The following MTHFD2L variants were observed in gnomAD, a reference collection of about 807,000 sequenced individuals.
MTHFD2L encodes the protein bifunctional methylenetetrahydrofolate dehydrogenase/cyclohydrolase 2, mitochondrial.
A neutral mutation model predicts 34.9 loss-of-function variants in MTHFD2L; 29 were observed. The observed-to-expected ratio is 0.83, with a 90% confidence interval of 0.62 to 1.13. MTHFD2L has a LOEUF of 1.13. Ranked by LOEUF, MTHFD2L falls within the 50% of genes most tolerant of loss-of-function variation. MTHFD2L has a pLI of 0.00. For missense variants in MTHFD2L, 481 were observed against 446.5 expected, an observed-to-expected ratio of 1.08 and a Z score of -0.70; for synonymous variants, 167 against 155.7, an observed-to-expected ratio of 1.07 and a Z score of -0.54.
intron 5 of MTHFD2L, among the ~76,000 whole-genome samples, chr4:74,210,168 T>C (rs1241700700): frequency 5.9e-5 from 1 of 16,860 alleles, no homozygotes; most frequent in Admixed American, 8.7e-4. Flanking sequence ...ATATTTTCTT[T>C]TGCTGTGCGA....
chr4:74,187,685 C>T (rs561184259), intron 3 of MTHFD2L, among the ~76,000 whole-genome samples: 2 of 151,324 alleles, frequency 1.3e-5, no homozygotes, highest in South Asian at 4.2e-4. Context: ...CAAAATGGTA[C>T]ATTTTGGAAA....
chr4:74,160,228 T>G (rs1578286567), intron 1 of MTHFD2L: 1 of 555,572 alleles, frequency 1.8e-6, no homozygotes, highest in Non-Finnish European at 2.9e-6. Flanking sequence ...AATTTACACC[T>G]TAGTGTTATT....
intron 7 of MTHFD2L, among the ~76,000 whole-genome samples, chr4:74,284,143 G>A (rs905788731): frequency 2.0e-5 from 3 of 152,056 alleles, no homozygotes; most frequent in Non-Finnish European, 4.4e-5. Flanking sequence ...GGATGACCCC[G>A]TTAAAAGTAG....
chr4:74,249,804 T>G (rs1291041632), intron 6 of MTHFD2L, among the ~76,000 whole-genome samples: 1 of 152,208 alleles, frequency 6.6e-6, no homozygotes, highest in African/African-American at 2.4e-5. Context: ...TGTTGAATAT[T>G]GGCCCCCACT....
chr4:74,287,212 TTATG>T, intron 7 of MTHFD2L, among the ~76,000 whole-genome samples: 1 of 152,298 alleles, frequency 6.6e-6, no homozygotes, highest in East Asian at 1.9e-4. Context: ...TCCAGATATT[TTATG>T]TATGCATCAA....
At chr4:74,191,457 A>G (rs1732498039) in intron 3 of MTHFD2L, among the ~76,000 whole-genome samples, 2 of 152,054 alleles carry the variant, frequency 1.3e-5, no homozygotes, top group Non-Finnish European at 2.9e-5. Context: ...ATGTAATAGT[A>G]CCAGATAGTC....
At chr4:74,211,143 C>T (rs1218756518) in intron 5 of MTHFD2L, among the ~76,000 whole-genome samples, 1 of 152,168 alleles carries the variant, frequency 6.6e-6, no homozygotes, top group Non-Finnish European at 1.5e-5. Flanking sequence ...GACAATATGA[C>T]TTCCTCTCTC....
chr4:74,165,283 T>TTTC (rs1726438318), intron 1 of MTHFD2L, among the ~76,000 whole-genome samples: 2 of 152,228 alleles, frequency 1.3e-5, no homozygotes, highest in African/African-American at 4.8e-5. Flanking sequence ...ATTCACATGC[T>TTTC]TGAATCAGTT....
At chr4:74,258,374 A>G (rs1413282023) in intron 6 of MTHFD2L, among the ~76,000 whole-genome samples, 1 of 151,740 alleles carries the variant, frequency 6.6e-6, no homozygotes, top group Non-Finnish European at 1.5e-5. Context: ...TGAGATAGCT[A>G]GAAGATAGGC....
chr4:74,194,462 G>A (rs1733133289), intron 3 of MTHFD2L: 1 of 151,836 alleles, frequency 6.6e-6, no homozygotes, highest in African/African-American at 2.4e-5. Context: ...TCAGATAGTT[G>A]TTTTTGTATT....
chr4:74,161,584 G>T (rs1000356940), intron 1 of MTHFD2L: 1 of 152,184 alleles, frequency 6.6e-6, no homozygotes, highest in African/African-American at 2.4e-5. Context: ...TGTTCCAGCT[G>T]TTCAGAGATA....
chr4:74,165,896 C>A (rs1181562611), intron 1 of MTHFD2L, among the ~76,000 whole-genome samples: 1 of 152,054 alleles, frequency 6.6e-6, no homozygotes, highest in Non-Finnish European at 1.5e-5. Flanking sequence ...AAGTACTTTT[C>A]TTTGACAAAT....
chr4:74,190,578 G>A, intron 3 of MTHFD2L: 3 of 942,538 alleles, frequency 3.2e-6, no homozygotes, highest in Non-Finnish European at 3.8e-6. Flanking sequence ...GAGTAGCTCA[G>A]CGAGGTTAGA....
chr4:74,174,876 G>T (rs1728728289), intron 2 of MTHFD2L, among the ~76,000 whole-genome samples, 186 bp downstream of exon 2: 1 of 152,020 alleles, frequency 6.6e-6, no homozygotes, highest in Non-Finnish European at 1.5e-5. Flanking sequence ...TTCTTATAGG[G>T]TTAATTCAGT....
intron 6 of MTHFD2L, among the ~76,000 whole-genome samples, chr4:74,256,223 T>C (rs544043062): frequency 1.9e-4 from 29 of 152,146 alleles, no homozygotes; most frequent in Non-Finnish European, 3.5e-4. Flanking sequence ...CTCTTTCCTC[T>C]CTTAGCCTCC....
chr4:74,225,870 A>G (rs75129300), intron 6 of MTHFD2L, among the ~76,000 whole-genome samples: 1,779 of 152,280 alleles, frequency 0.012, 40 homozygotes, highest in African/African-American at 0.041. Flanking sequence ...AAGTTGATGG[A>G]TGAGACCATG....
At chr4:74,231,002 C>T (rs543561971) in intron 6 of MTHFD2L, among the ~76,000 whole-genome samples, 1 of 152,238 alleles carries the variant, frequency 6.6e-6, no homozygotes, top group East Asian at 1.9e-4. Context: ...GCTCTGGATG[C>T]AGTGTCACGG....
At chr4:74,147,523 C>T (rs1193719338) in intron 1 of MTHFD2L, among the ~76,000 whole-genome samples, 2 of 152,170 alleles carry the variant, frequency 1.3e-5, no homozygotes, top group African/African-American at 4.8e-5. Context: ...TTGTCTTTGG[C>T]TGTCCTCAGG....
intron 1 of MTHFD2L, among the ~76,000 whole-genome samples, chr4:74,168,619 C>T (rs1727261778): frequency 1.3e-5 from 2 of 152,156 alleles, no homozygotes; most frequent in Non-Finnish European, 2.9e-5. Flanking sequence ...TTTATATTCC[C>T]AGTGCCCAAA....
Sources: gnomAD v4.1 joint callset for allele counts (sites outside exome capture counted in the v4.1 genomes callset) on GRCh38, gnomAD v4.1.1 for gene constraint, MANE v1.5 for transcripts, NCBI Gene and HGNC (gene_info 2026-07-23, HGNC 2026-07-21) for gene names.